Variants in PTPRK observed in about 807,000 individuals in gnomAD.
PTPRK encodes the protein protein tyrosine phosphatase receptor type K, also known as receptor-type tyrosine-protein phosphatase kappa.
A neutral mutation model predicts 178.0 loss-of-function variants in PTPRK; 75 were observed. The observed-to-expected ratio is 0.42, with a 90% CI of 0.35 to 0.51. The LOEUF (loss-of-function observed/expected upper bound fraction) is 0.51, where lower values mean the gene tolerates loss of function less well. Among genes scored for constraint, PTPRK ranks in the 20% least tolerant of loss-of-function variants. PTPRK has a pLI of 0.02. For synonymous variants in PTPRK, 637 were observed against 620.6 expected, an observed-to-expected ratio of 1.03 and a Z score of -0.39; for missense variants, 1,441 against 1,797.8, an observed-to-expected ratio of 0.80 and a Z score of 3.59.
rs907880121 is a variant in PTPRK at position 128,452,781 on chromosome 6, G to T, written c.101-55093C>A. ...AATTGGGCCATATTCTATAAAACTTGTGTTGTTATTGCTATATAGGTTTCC... is the reference window on the plus strand; with the variant it reads ...AATTGGGCCATATTCTATAAAACTTTTGTTGTTATTGCTATATAGGTTTCC... On this transcript the variant is annotated intron_variant, in intron 1 of 29. Coordinates refer to ENST00000368226, the MANE Select transcript of PTPRK (RefSeq NM_002844.4). Among the ~76,000 whole-genome samples the T allele has an allele frequency of 2.0e-5, 3 of 152,120 alleles. No homozygotes were observed. In the East Asian group the frequency reaches 5.8e-4, roughly 29 times the overall value.
chr6:128,243,974 G>A (rs1055249055), intron 3 of PTPRK, among the ~76,000 whole-genome samples: 2 of 152,112 alleles, frequency 1.3e-5, no homozygotes, highest in Admixed American at 6.6e-5. Flanking sequence ...GGAATGGTGA[G>A]ATGAGAAGAA....
In PTPRK at chr6:128,509,158, T is replaced by C. The variant is rs9385461; in HGVS notation, c.100+11101A>G. Among the ~76,000 whole-genome samples the C allele has an allele frequency of 6.4e-3, 974 of 152,208 alleles. 28 individuals carry two copies. In the East Asian group the frequency reaches 0.08, roughly 12 times the overall value. ...CTCAGTAGCCATTTCCATTATCAGA[T>C]TGAAACAACATGGTATAGTATATTT... On this transcript the variant is annotated intron_variant, in intron 1 of 29. Transcript: ENST00000368226.
At chr6:128,267,999 C>T (rs531495247) in intron 3 of PTPRK, among the ~76,000 whole-genome samples, 15 of 151,984 alleles carry the variant, frequency 9.9e-5, no homozygotes, top group African/African-American at 2.7e-4. Context: ...AAAATATATA[C>T]GGAACCATCA....
chr6:128,225,628 A>T (rs1811165391), intron 5 of PTPRK, among the ~76,000 whole-genome samples: 1 of 152,254 alleles, frequency 6.6e-6, no homozygotes, highest in African/African-American at 2.4e-5. Context: ...AGACAATTTT[A>T]AAAACATGAA....
At chr6:128,110,449 C>G (rs1790466664) in intron 7 of PTPRK, among the ~76,000 whole-genome samples, 1 of 151,976 alleles carries the variant, frequency 6.6e-6, no homozygotes, top group South Asian at 2.1e-4. Flanking sequence ...CATTAATGTG[C>G]AGAGGATATG....
chr6:128,208,580 C>G (rs962740096), intron 6 of PTPRK, among the ~76,000 whole-genome samples: 3 of 152,026 alleles, frequency 2.0e-5, no homozygotes, highest in African/African-American at 7.2e-5. Context: ...CAGATAATGT[C>G]AGCAATAAAA....
chr6:128,132,716 C>T (rs1794443028), intron 7 of PTPRK, among the ~76,000 whole-genome samples: 2 of 152,230 alleles, frequency 1.3e-5, no homozygotes, highest in Admixed American at 6.5e-5. Context: ...ATATCCTCCA[C>T]AAAATTATTC....
chr6:128,402,328 G>C (rs1249646476), intron 1 of PTPRK, among the ~76,000 whole-genome samples: 1 of 152,118 alleles, frequency 6.6e-6, no homozygotes, highest in Non-Finnish European at 1.5e-5. Context: ...CGCGATCTCG[G>C]CTCACAGCAA....
intron 1 of PTPRK, among the ~76,000 whole-genome samples, chr6:128,419,178 C>T (rs1843171371): frequency 6.6e-6 from 1 of 152,138 alleles, no homozygotes; most frequent in African/African-American, 2.4e-5. Context: ...GTAAGGAAAA[C>T]ACTTGGGGCA....
At chr6:128,470,746 T>G (rs932918267) in intron 1 of PTPRK, among the ~76,000 whole-genome samples, 6 of 135,716 alleles carry the variant, frequency 4.4e-5, no homozygotes, top group African/African-American at 1.8e-4. Flanking sequence ...ACAATATCTC[T>G]CTCTTTTTTT....
intron 3 of PTPRK, among the ~76,000 whole-genome samples, chr6:128,294,508 C>T (rs1244736801): frequency 1.3e-5 from 2 of 151,974 alleles, no homozygotes; most frequent in South Asian, 2.1e-4. Flanking sequence ...ATCTTGTTTC[C>T]ATTTACAATT....
At chr6:128,469,886 C>T (rs1850383195) in intron 1 of PTPRK, among the ~76,000 whole-genome samples, 2 of 152,070 alleles carry the variant, frequency 1.3e-5, no homozygotes, top group South Asian at 4.1e-4. Context: ...TAGGTGACTT[C>T]TAGAAACTAG....
At chr6:128,292,279 T>A (rs1008266503) in intron 3 of PTPRK, among the ~76,000 whole-genome samples, 2 of 152,076 alleles carry the variant, frequency 1.3e-5, no homozygotes, top group African/African-American at 4.8e-5. Context: ...TCCACATATT[T>A]CTCATGGAAA....
At chr6:128,209,758 AG>A (rs1242953411) in intron 6 of PTPRK, among the ~76,000 whole-genome samples, 1 of 152,142 alleles carries the variant, frequency 6.6e-6, no homozygotes, top group African/African-American at 2.4e-5. Flanking sequence ...ATTTTGAAGG[AG>A]CAGGGTGATT....
At chr6:128,042,680 C>T (rs2114841799) in intron 13 of PTPRK, among the ~76,000 whole-genome samples, 1 of 152,158 alleles carries the variant, frequency 6.6e-6, no homozygotes, top group Non-Finnish European at 1.5e-5. Context: ...TTCTCTTTTT[C>T]CAAGGAAATT....
intron 5 of PTPRK, among the ~76,000 whole-genome samples, chr6:128,239,004 T>C (rs923474854): frequency 2.6e-5 from 4 of 152,154 alleles, no homozygotes; most frequent in Non-Finnish European, 5.9e-5. Flanking sequence ...ATTCATTTAT[T>C]ATAACCTTTA....
intron 1 of PTPRK, among the ~76,000 whole-genome samples, chr6:128,474,372 T>C (rs1312323462): frequency 6.6e-6 from 1 of 151,902 alleles, no homozygotes; most frequent in African/African-American, 2.4e-5. Flanking sequence ...TAGAAAACAC[T>C]ACATTCTTCA....
chr6:128,244,376 G>A (rs9398867), intron 3 of PTPRK, among the ~76,000 whole-genome samples: 4,876 of 152,184 alleles, frequency 0.032, 307 homozygotes, highest in East Asian at 0.3. Flanking sequence ...TGAGTAAGAT[G>A]GCATAAGAAG....
At chr6:128,367,524 C>T (rs1835680772) in intron 2 of PTPRK, among the ~76,000 whole-genome samples, 1 of 152,244 alleles carries the variant, frequency 6.6e-6, no homozygotes, top group East Asian at 1.9e-4. Context: ...AACACCAATA[C>T]CCTGGCCCTC....
Sources: allele counts gnomAD v4.1 joint callset (sites outside exome capture counted in the v4.1 genomes callset), GRCh38; gene constraint gnomAD v4.1.1; transcripts MANE v1.5; gene names NCBI Gene and HGNC (gene_info 2026-07-23, HGNC 2026-07-21).